Variants in ATP10B observed in about 807,000 individuals in gnomAD.
The protein encoded by ATP10B is phospholipid-transporting ATPase VB.
In ATP10B, 122 loss-of-function variants were observed where a neutral mutation model predicts 141.2. The ratio of observed to expected loss-of-function variants is 0.86; its 90% confidence interval spans 0.75 to 1.00. ATP10B has a LOEUF of 1.00. Ranked by LOEUF, ATP10B falls within the 50% of genes least tolerant of loss-of-function variation. The probability of loss-of-function intolerance (pLI) is 0.00; values close to 1 mark genes in which losing one functional copy is unlikely to be tolerated. For synonymous variants in ATP10B, 685 were observed against 692.0 expected (o/e 0.99, Z 0.16); for missense variants, 1,876 against 1,825.3 (o/e 1.03, Z -0.51).
intron 17 of ATP10B, chr5:160,614,491 C>A (rs2127640798): frequency 6.6e-6 from 1 of 152,396 alleles, no homozygotes; most frequent in African/African-American, 2.4e-5. Context: ...AATGGGATGA[C>A]TTTCTGGTGG....
the ATP10B span, among the ~76,000 whole-genome samples, chr5:160,901,591 G>A: frequency 2.6e-5 from 4 of 152,146 alleles, no homozygotes; most frequent in African/African-American, 7.2e-5. Flanking sequence ...GTACCATGAA[G>A]GGAATACACA....
In ATP10B at chr5:160,785,801, A is replaced by G; in HGVS notation, c.-573T>C. 1 of 555,668 alleles carries G rather than the reference A, an allele frequency of 1.8e-6. No homozygotes were observed. Among genetic ancestry groups the G allele is most frequent in the South Asian group, 2.0e-5 (1 of 50,008 alleles). The allele number at this position is 555,668 out of a possible 1,614,324, so 34.4% of individuals were successfully genotyped here. A position where few individuals can be genotyped will look rare whatever the true frequency, so the allele number is the denominator to read the frequency against. On this transcript the variant is annotated splice_region_variant and 5_prime_UTR_variant, in exon 2 of 26. Transcript: ENST00000327245. ...CGGTTCTGATTCTCTTGTCAAAGGA[A>G]GCCTGCACGACACAGGACAGAAAAG...
the ATP10B span, among the ~76,000 whole-genome samples, chr5:160,927,469 C>G: frequency 6.6e-6 from 1 of 152,156 alleles, no homozygotes; most frequent in Non-Finnish European, 1.5e-5. Flanking sequence ...GCCATTTAGC[C>G]TTTTTATCTT....
the ATP10B span, among the ~76,000 whole-genome samples, chr5:160,894,474 T>C: frequency 1.3e-5 from 2 of 151,684 alleles, no homozygotes; most frequent in East Asian, 3.9e-4. Context: ...ATCAACTTAA[T>C]GAAATAAAGT....
the ATP10B span, among the ~76,000 whole-genome samples, chr5:160,896,492 A>C: frequency 6.6e-6 from 1 of 152,228 alleles, no homozygotes; most frequent in Non-Finnish European, 1.5e-5. Flanking sequence ...AGACTAAACC[A>C]GGAAGAAGTC....
chr5:160,879,214 T>G, the ATP10B span, among the ~76,000 whole-genome samples: 1 of 52,292 alleles, frequency 1.9e-5, no homozygotes, highest in African/African-American at 7.5e-5. Flanking sequence ...CCATAAAAAA[T>G]GATGAGTTCA....
intron 19 of ATP10B, among the ~76,000 whole-genome samples, chr5:160,606,101 A>C (rs570859129): frequency 4.2e-4 from 64 of 152,336 alleles, no homozygotes; most frequent in Non-Finnish European, 7.5e-4. Flanking sequence ...TGGCCACAAT[A>C]AGAGATATGG....
chr5:160,791,463 G>A (rs1044370075), intron 1 of ATP10B, among the ~76,000 whole-genome samples: 1 of 152,094 alleles, frequency 6.6e-6, no homozygotes, highest in Non-Finnish European at 1.5e-5. Flanking sequence ...AACACCTAAA[G>A]TCATCCTTTT....
intron 22 of ATP10B, among the ~76,000 whole-genome samples, chr5:160,593,841 AT>A (rs1298114495): frequency 1.3e-5 from 2 of 152,212 alleles, no homozygotes; most frequent in African/African-American, 4.8e-5. Context: ...AGAAAAAAGA[AT>A]AAAAAGAAAC....
chr5:160,896,239 C>CAAA, the ATP10B span, among the ~76,000 whole-genome samples: 1 of 146,914 alleles, frequency 6.8e-6, no homozygotes, highest in South Asian at 2.1e-4. Context: ...AAAAACCCTT[C>CAAA]AAAAAAAAAA....
At chr5:160,789,118 A>G (rs1194432485) in intron 1 of ATP10B, among the ~76,000 whole-genome samples, 2 of 152,164 alleles carry the variant, frequency 1.3e-5, no homozygotes, top group Non-Finnish European at 2.9e-5. Flanking sequence ...ACATGCACCC[A>G]TACATGTGGA....
intron 6 of ATP10B, among the ~76,000 whole-genome samples, chr5:160,680,904 TC>T (rs1763356205): frequency 6.6e-6 from 1 of 152,194 alleles, no homozygotes. Flanking sequence ...GAAGTGTCTT[TC>T]TTTCTCTTTT....
At chr5:160,780,283 T>A (rs1770627888) in intron 2 of ATP10B, among the ~76,000 whole-genome samples, 1 of 152,170 alleles carries the variant, frequency 6.6e-6, no homozygotes, top group Admixed American at 6.5e-5. Context: ...CTTATTTCTC[T>A]TTTTAAACCA....
chr5:160,661,864 G>A (rs1171102037), intron 7 of ATP10B, among the ~76,000 whole-genome samples: 4 of 152,186 alleles, frequency 2.6e-5, no homozygotes, highest in African/African-American at 7.2e-5. Flanking sequence ...AATTGTCCCT[G>A]TTTGCAGGTG....
intron 3 of ATP10B, among the ~76,000 whole-genome samples, chr5:160,709,095 T>C (rs1004574200): frequency 6.6e-6 from 1 of 152,186 alleles, no homozygotes; most frequent in African/African-American, 2.4e-5. Flanking sequence ...AAAACTTGTT[T>C]CTACTTCAAC....
At chr5:160,812,163 T>A (rs1011608671) in intron 1 of ATP10B, among the ~76,000 whole-genome samples, 1 of 152,084 alleles carries the variant, frequency 6.6e-6, no homozygotes, top group East Asian at 1.9e-4. Context: ...TTCAAGACCA[T>A]CAACGTGGTA....
chr5:160,909,915 A>G, the ATP10B span, among the ~76,000 whole-genome samples: 1 of 152,202 alleles, frequency 6.6e-6, no homozygotes, highest in Non-Finnish European at 1.5e-5. Context: ...AACGACTGTC[A>G]GGAAGTGAAG....
Position 160,808,186 on chromosome 5 carries a change from G to A in ATP10B, c.-575-22383C>T, listed in dbSNP as rs572517476. On this transcript the variant is annotated intron_variant, in intron 1 of 25. Transcript: ENST00000327245. The stretch of plus-strand genomic sequence containing the variant: ...AAATATGGACTGAATATTAGAATGC[G>A]TTGAATTATGGTAAATCTTCTAAGG... 5.9e-5 allele frequency among the ~76,000 whole-genome samples: 9 copies of A among 152,282 alleles called. 1 individual carries two copies. Among genetic ancestry groups the A allele is most frequent in the South Asian group, 2.1e-4 (1 of 4,826 alleles).
At chr5:160,823,014 A>ATATG (rs1554121595) in intron 1 of ATP10B, among the ~76,000 whole-genome samples, 1 of 117,862 alleles carries the variant, frequency 8.5e-6, no homozygotes, top group Non-Finnish European at 1.8e-5. Flanking sequence ...ATATATATAT[A>ATATG]TATATATATA....
Sources: gnomAD v4.1 joint callset for allele counts (sites outside exome capture counted in the v4.1 genomes callset) on GRCh38, gnomAD v4.1.1 for gene constraint, MANE v1.5 for transcripts, NCBI Gene and HGNC (gene_info 2026-07-23, HGNC 2026-07-21) for gene names.